Variants in SIL1 observed in about 807,000 individuals in gnomAD.
SIL1 encodes SIL1 nucleotide exchange factor, also known as nucleotide exchange factor SIL1.
SIL1 carries 40 observed loss-of-function variants against 49.1 expected under a neutral mutation model. The ratio of observed to expected loss-of-function variants is 0.81; its 90% confidence interval spans 0.63 to 1.06. The LOEUF is 1.06. Ranked by LOEUF, SIL1 falls within the 50% of genes least tolerant of loss-of-function variation. SIL1 has a pLI of 0.00. For missense variants in SIL1, 500 were observed against 572.6 expected, an observed-to-expected ratio of 0.87 and a Z score of 1.29; for synonymous variants, 253 against 250.8, an observed-to-expected ratio of 1.01 and a Z score of -0.08.
intron 7 of SIL1, among the ~76,000 whole-genome samples, chr5:138,965,145 C>T (rs540336185): frequency 1.3e-5 from 2 of 152,298 alleles, no homozygotes; most frequent in East Asian, 3.9e-4. Context: ...GCTGTCCCTC[C>T]CCTTTTCTGG....
At chr5:139,013,704 C>T (rs1248412786) in intron 7 of SIL1, 1 of 152,184 alleles carries the variant, frequency 6.6e-6, no homozygotes, top group African/African-American at 2.4e-5. Context: ...AATACAACAT[C>T]TTCAGGTATT....
intron 1 of SIL1, among the ~76,000 whole-genome samples, chr5:139,168,259 GA>G (rs924882069): frequency 5.9e-5 from 9 of 152,230 alleles, no homozygotes; most frequent in Non-Finnish European, 1.0e-4. Flanking sequence ...GTTGTTAAGT[GA>G]AGTATGGCTG....
intron 7 of SIL1, among the ~76,000 whole-genome samples, chr5:138,983,819 C>CA (rs1232412468): frequency 1.3e-5 from 2 of 150,368 alleles, no homozygotes; most frequent in South Asian, 4.2e-4. Context: ...TCCCTCCTCC[C>CA]AGAGATGGAC....
rs539916479 is a variant in SIL1, at chr5:139,011,988, G to A, written c.767+9183C>T. On this transcript the variant is annotated intron_variant, in intron 7 of 9. Coordinates refer to ENST00000394817, the MANE Select transcript of SIL1 (RefSeq NM_022464.5). The stretch of plus-strand genomic sequence containing the variant: ...GCTAGCACTATTTTATCTATACCCC[G>A]ACTCAGCCACCTACCCACCTCCTCA... 1.9e-3 allele frequency among the ~76,000 whole-genome samples: 283 copies of A among 152,156 alleles called. 1 individual carries two copies. Among genetic ancestry groups the A allele is most frequent in the South Asian group, 4.6e-3 (22 of 4,814 alleles).
At chr5:139,128,645 T>G (rs1201166406) in intron 1 of SIL1, among the ~76,000 whole-genome samples, 4 of 128,836 alleles carry the variant, frequency 3.1e-5, no homozygotes, top group Non-Finnish European at 6.8e-5. Context: ...TGAGACCCCA[T>G]CCCTCCAAAA....
chr5:139,193,153 C>G (rs1752205867), intron 1 of SIL1, among the ~76,000 whole-genome samples: 1 of 151,942 alleles, frequency 6.6e-6, no homozygotes, highest in Admixed American at 6.6e-5. Flanking sequence ...AGTAACAGCC[C>G]AGAAGGGGTG....
intron 7 of SIL1, among the ~76,000 whole-genome samples, chr5:139,001,406 A>T (rs907074612): frequency 6.6e-6 from 1 of 152,246 alleles, no homozygotes; most frequent in Non-Finnish European, 1.5e-5. Context: ...ATGCACAAGG[A>T]TACTCATTGC....
chr5:138,955,410 A>C (rs1300255793), intron 7 of SIL1, among the ~76,000 whole-genome samples: 14 of 152,122 alleles, frequency 9.2e-5, no homozygotes, highest in Non-Finnish European at 1.5e-5. Context: ...TCTTGCAGGG[A>C]GATGGGCTGG....
Position 139,169,831 on chromosome 5 carries a change from C to CCCCTCTCCCTCTCCCCACGGTCT in SIL1, c.-11+28415_-11+28437dup, listed in dbSNP as rs1554137106. 6.5e-4 allele frequency among the ~76,000 whole-genome samples: 61 copies of CCCCTCTCCCTCTCCCCACGGTCT among 94,020 alleles called. No individual in the cohort carries two copies. In the East Asian group the frequency reaches 0.012, roughly 18 times the overall value. The allele number at this position is 94,020 out of a possible 152,430, so 61.7% of individuals were successfully genotyped here. ...AAAAGCTCTACTCCCTCTCCCCTCT[C>CCCCTCTCCCTCTCCCCACGGTCT]CCCTCTCCCTCTCCCCACGGTCTCC... On this transcript the variant is annotated intron_variant, in intron 1 of 9. Transcript: ENST00000394817.
chr5:139,125,102 A>T (rs1258312701), intron 2 of SIL1, among the ~76,000 whole-genome samples: 2 of 152,248 alleles, frequency 1.3e-5, no homozygotes, highest in African/African-American at 4.8e-5. Context: ...CCATAGTCCC[A>T]GTAAAAGAAC....
At chr5:139,009,996 C>T (rs1165504300) in intron 7 of SIL1, among the ~76,000 whole-genome samples, 1 of 152,042 alleles carries the variant, frequency 6.6e-6, no homozygotes, top group East Asian at 1.9e-4. Flanking sequence ...TTTCCTGAAT[C>T]TGAATATTGG....
chr5:138,961,559 C>T (rs1054912577), intron 7 of SIL1, among the ~76,000 whole-genome samples: 11 of 151,994 alleles, frequency 7.2e-5, no homozygotes, highest in East Asian at 1.9e-4. Context: ...GCTGCACAGG[C>T]GCCTTTGTTG....
chr5:138,973,439 G>C (rs952443774), intron 7 of SIL1, among the ~76,000 whole-genome samples: 1 of 151,850 alleles, frequency 6.6e-6, no homozygotes, highest in Admixed American at 6.6e-5. Context: ...CTGTTTCTCA[G>C]ACCATCAGAG....
intron 2 of SIL1, among the ~76,000 whole-genome samples, chr5:139,122,078 T>C (rs1299590822): frequency 6.6e-6 from 1 of 152,018 alleles, no homozygotes; most frequent in Non-Finnish European, 1.5e-5. Flanking sequence ...CATTAGCACA[T>C]GGGGAGGTAT....
chr5:138,947,920 G>A lies in SIL1; in HGVS notation c.1030-447C>T, dbSNP rs1262759290. ...CTAAGTGGAGAAACTCAGCCTGTCT[G>A]TAAAGCGCAGAAGCCCAGCTCTATC... is the stretch of plus-strand genomic sequence containing the variant. On this transcript the variant is annotated intron_variant, in intron 9 of 9. Transcript: ENST00000394817. The surrounding 1 kb of genome is among the most constrained non-coding windows in gnomAD (Gnocchi z 4.1). 6.6e-6 allele frequency among the ~76,000 whole-genome samples: 1 copy of A among 152,160 alleles called. No individual in the cohort carries two copies. The highest frequency in any genetic ancestry group is 2.4e-5 in the African/African-American group (1 of 41,438).
chr5:139,064,514 A>G (rs1160659229), intron 3 of SIL1, among the ~76,000 whole-genome samples: 1 of 152,240 alleles, frequency 6.6e-6, no homozygotes, highest in Non-Finnish European at 1.5e-5. Flanking sequence ...CTCCTTAAAT[A>G]TAGGCAACTT....
chr5:139,163,284 TG>T (rs1751552851), intron 1 of SIL1, among the ~76,000 whole-genome samples: 1 of 152,180 alleles, frequency 6.6e-6, no homozygotes, highest in Non-Finnish European at 1.5e-5. Flanking sequence ...AGATGGAAAC[TG>T]ACTTTTCAGA....
At chr5:139,116,023 G>A (rs1770979993) in intron 3 of SIL1, among the ~76,000 whole-genome samples, 2 of 152,132 alleles carry the variant, frequency 1.3e-5, no homozygotes, top group African/African-American at 4.8e-5. Context: ...GGAGAACCAC[G>A]CCGCCCCTCC....
intron 3 of SIL1, among the ~76,000 whole-genome samples, chr5:139,104,224 T>C (rs976484972): frequency 2.0e-5 from 3 of 152,188 alleles, no homozygotes; most frequent in African/African-American, 7.2e-5. Context: ...ACAATAATTG[T>C]AGGTAACAGA....
Sources: gnomAD v4.1 joint callset for allele counts (sites outside exome capture counted in the v4.1 genomes callset) on GRCh38, gnomAD v4.1.1 for gene constraint, Gnocchi (gnomAD v3.1) non-coding constraint, MANE v1.5 for transcripts, NCBI Gene and HGNC (gene_info 2026-07-23, HGNC 2026-07-21) for gene names.